TES: variants seen among roughly 807,000 people sequenced by gnomAD.
TES encodes the protein testin LIM domain protein.
In TES, 41 loss-of-function variants were observed where a neutral mutation model predicts 48.2. That is an observed-to-expected ratio of 0.85 (90% CI 0.66 to 1.10). The LOEUF (loss-of-function observed/expected upper bound fraction) is 1.10. Ranked by LOEUF, TES falls within the 50% of genes least tolerant of loss-of-function variation. The pLI, the probability that TES is intolerant of heterozygous loss-of-function variation, is 0.00. For synonymous variants in TES, 162 were observed against 174.9 expected (o/e 0.93, Z 0.58); for missense variants, 463 against 515.1 (o/e 0.90, Z 0.98).
At chr7:116,228,097 C>T (rs1299313223) in intron 1 of TES, among the ~76,000 whole-genome samples, 1 of 146,664 alleles carries the variant, frequency 6.8e-6, no homozygotes, top group Non-Finnish European at 1.5e-5. Flanking sequence ...CCAACCTATT[C>T]GACTGCTGAA....
At chr7:116,242,114 C>T (rs1410855348) in intron 2 of TES, among the ~76,000 whole-genome samples, 3 of 152,054 alleles carry the variant, frequency 2.0e-5, no homozygotes, top group Non-Finnish European at 2.9e-5. Flanking sequence ...GTTTATTATA[C>T]GGCCTCGATC....
chr7:116,222,094 A>T (rs953459662), intron 1 of TES, among the ~76,000 whole-genome samples: 1 of 152,072 alleles, frequency 6.6e-6, no homozygotes, highest in Non-Finnish European at 1.5e-5. Flanking sequence ...TTTCCAGAAT[A>T]AGGGATGGTG....
intron 1 of TES, chr7:116,222,933 T>G (rs1799573705): frequency 1.0e-6 from 1 of 976,818 alleles, no homozygotes; most frequent in Non-Finnish European, 1.2e-6. Flanking sequence ...ATAATAATTG[T>G]GACATTTTTA....
At chr7:116,243,886 CAA>C (rs1234781694) in intron 2 of TES, 1 of 152,092 alleles carries the variant, frequency 6.6e-6, no homozygotes, top group Non-Finnish European at 1.5e-5. Context: ...ACAATTGTGG[CAA>C]AAGAGGAAGC....
intron 1 of TES, among the ~76,000 whole-genome samples, chr7:116,219,405 T>A (rs911252246): frequency 1.3e-5 from 2 of 152,154 alleles, no homozygotes; most frequent in Non-Finnish European, 2.9e-5. Flanking sequence ...TTAACTGTGA[T>A]GATTATTTAA....
chr7:116,249,864 TTA>T (rs1170019440), intron 3 of TES: 9 of 241,282 alleles, frequency 3.7e-5, no homozygotes, highest in Admixed American at 5.6e-5. Flanking sequence ...GCCTAAAAGT[TTA>T]TGTTTTCTTT....
intron 1 of TES, among the ~76,000 whole-genome samples, chr7:116,228,778 G>A (rs1799656534): frequency 6.6e-6 from 1 of 151,900 alleles, no homozygotes; most frequent in Admixed American, 6.6e-5. Context: ...CTAAGACACA[G>A]TTAATCTGAC....
intron 1 of TES, among the ~76,000 whole-genome samples, chr7:116,219,198 T>C (rs1263275450): frequency 6.6e-6 from 1 of 152,182 alleles, no homozygotes; most frequent in Non-Finnish European, 1.5e-5. Flanking sequence ...GGAAATAGCA[T>C]GAACCAAAGG....
At chr7:116,254,997 C>A (rs1363505987) in intron 6 of TES, 1 of 127,078 alleles carries the variant, frequency 7.9e-6, no homozygotes. Flanking sequence ...ATCTTTTCAT[C>A]TTAAAGAGAG....
In TES at chr7:116,249,260, G is replaced by C; in HGVS notation, c.354G>C (p.Gln118His). The C allele has an allele frequency of 6.2e-7, 1 of 1,613,986 alleles. No individual in the cohort carries two copies. The highest frequency in any genetic ancestry group is 8.5e-7 in the Non-Finnish European group (1 of 1,179,950). Residue 118 changes from glutamine (Q) to histidine (H), a missense_variant, in exon 3 of 7, where the codon CAG (glutamine) becomes CAC (histidine). Transcript: ENST00000358204. ...CCTATGAGTGGGCTCCTCCTGTCCAGAATCAAGCATTGGTAAATGATATGG... is the reference window on the plus strand; with the variant it reads ...CCTATGAGTGGGCTCCTCCTGTCCACAATCAAGCATTGGTAAATGATATGG... ...TVTYEWAPPV[Q>H]NQALARQYMQ... is the part of the protein sequence containing the mutation.
intron 2 of TES, among the ~76,000 whole-genome samples, chr7:116,248,138 G>A (rs1264585448): frequency 6.6e-6 from 1 of 152,118 alleles, no homozygotes; most frequent in Non-Finnish European, 1.5e-5. Context: ...TGCTTCAAAG[G>A]ACATGATTTC....
intron 2 of TES, among the ~76,000 whole-genome samples, chr7:116,235,290 A>G (rs1343119498): frequency 6.6e-6 from 1 of 152,190 alleles, no homozygotes; most frequent in Non-Finnish European, 1.5e-5. Context: ...AAAAATTGGT[A>G]ACTTTACATC....
chr7:116,221,975 G>A (rs1379949783), intron 1 of TES, among the ~76,000 whole-genome samples: 2 of 152,110 alleles, frequency 1.3e-5, no homozygotes, highest in Non-Finnish European at 2.9e-5. Context: ...AAAAAGTATG[G>A]TAATCCAAAC....
At chr7:116,250,561 T>C in intron 4 of TES, 65 bp downstream of exon 4, 2 of 1,287,286 alleles carry the variant, frequency 1.6e-6, no homozygotes, top group Non-Finnish European at 2.0e-6. Flanking sequence ...TCCCTTACTT[T>C]GAACTTTTTT....
At chr7:116,231,321 T>C (rs1799697123) in intron 1 of TES, among the ~76,000 whole-genome samples, 2 of 152,198 alleles carry the variant, frequency 1.3e-5, no homozygotes, top group Admixed American at 1.3e-4. Flanking sequence ...AATAAAATGA[T>C]AGCTATTTTA....
At chr7:116,236,847 G>T (rs964792622) in intron 2 of TES, among the ~76,000 whole-genome samples, 11 of 152,128 alleles carry the variant, frequency 7.2e-5, no homozygotes, top group African/African-American at 2.7e-4. Flanking sequence ...ACTGGGTGTA[G>T]TCTGAAAATC....
chr7:116,239,970 C>T (rs778250525), intron 2 of TES, among the ~76,000 whole-genome samples: 75 of 152,022 alleles, frequency 4.9e-4, no homozygotes, highest in Non-Finnish European at 8.5e-4. Context: ...TTTGCTTTAC[C>T]TTTGTTAAAG....
intron 2 of TES, among the ~76,000 whole-genome samples, chr7:116,242,595 A>C (rs1799864845): frequency 6.6e-6 from 1 of 152,112 alleles, no homozygotes; most frequent in South Asian, 2.1e-4. Flanking sequence ...CATACTGAAA[A>C]GTATTTTAAG....
chr7:116,234,464 G>T, intron 1 of TES, 70 bp from the exon 2 acceptor site: 1 of 1,360,408 alleles, frequency 7.4e-7, no homozygotes, highest in Non-Finnish European at 1.0e-6. Flanking sequence ...GGAATTAAAA[G>T]TGCAATTTAT....
Sources: allele counts gnomAD v4.1 joint callset (sites outside exome capture counted in the v4.1 genomes callset), GRCh38; gene constraint gnomAD v4.1.1; transcripts MANE v1.5; gene names NCBI Gene and HGNC (gene_info 2026-07-23, HGNC 2026-07-21).